Variants in NCK2 observed in about 807,000 individuals in gnomAD.
NCK2 encodes the protein NCK adaptor protein 2.
Under a neutral mutation model 33.9 loss-of-function variants are expected in NCK2, and 16 were observed. The observed-to-expected ratio is 0.47, with a 90% CI of 0.32 to 0.72. The LOEUF (loss-of-function observed/expected upper bound fraction) is 0.72, where lower values mean the gene tolerates loss of function less well. Ranked by LOEUF, NCK2 falls within the 30% of genes least tolerant of loss-of-function variation. The pLI is 0.03. For synonymous variants in NCK2, 273 were observed against 239.9 expected, an observed-to-expected ratio of 1.14 and a Z score of -1.27; for missense variants, 418 against 537.3, an observed-to-expected ratio of 0.78 and a Z score of 2.19.
At chr2:105,879,012 GA>G (rs1678351151) in intron 3 of NCK2, among the ~76,000 whole-genome samples, 1 of 152,176 alleles carries the variant, frequency 6.6e-6, no homozygotes, top group Non-Finnish European at 1.5e-5. Context: ...CACTAAAGTA[GA>G]ATATTCGTCT....
chr2:105,821,595 A>G (rs1573632629), intron 2 of NCK2, among the ~76,000 whole-genome samples: 1 of 152,130 alleles, frequency 6.6e-6, no homozygotes, highest in Non-Finnish European at 1.5e-5. Context: ...CTGGGAAAAC[A>G]TTGCCACATT....
rs138786837 is a variant in NCK2, at chr2:105,752,911, G to GACAC, written c.-201+7785_-201+7788dup. 3.4e-3 allele frequency among the ~76,000 whole-genome samples: 523 copies of GACAC among 151,864 alleles called. 5 individuals are homozygous for GACAC. The highest frequency in any genetic ancestry group is 0.012 in the African/African-American group (486 of 41,430). ...TTAGCTTCTCTCCCACACGGACACAGACACACACACACACATTGTAATCAC... is the reference window on the plus strand; with the variant it reads ...TTAGCTTCTCTCCCACACGGACACAGACACACACACACACACACATTGTAATCAC... On this transcript the variant is annotated intron_variant, in intron 1 of 4. Coordinates refer to ENST00000233154, the MANE Select transcript of NCK2 (RefSeq NM_003581.5).
At chr2:105,889,332 G>A (rs1322005007) in intron 4 of NCK2, among the ~76,000 whole-genome samples, 1 of 152,212 alleles carries the variant, frequency 6.6e-6, no homozygotes, top group East Asian at 1.9e-4. Flanking sequence ...CTCCATCATG[G>A]GCTGCTTTGC....
At chr2:105,850,224 C>T (rs1447169479) in intron 2 of NCK2, among the ~76,000 whole-genome samples, 1 of 152,162 alleles carries the variant, frequency 6.6e-6, no homozygotes. Context: ...CTTTGGAAAT[C>T]TCTATGACCA....
chr2:105,772,110 AG>A (rs1055460569), intron 1 of NCK2, among the ~76,000 whole-genome samples: 1 of 150,390 alleles, frequency 6.6e-6, no homozygotes, highest in African/African-American at 2.4e-5. Context: ...AGGATGGCGG[AG>A]GGGGTAGCGT....
chr2:105,804,648 A>T (rs146022121), intron 1 of NCK2, among the ~76,000 whole-genome samples: 3 of 152,214 alleles, frequency 2.0e-5, no homozygotes, highest in African/African-American at 7.2e-5. Flanking sequence ...ATTTAGAATT[A>T]CTCTTTGATT....
intron 1 of NCK2, among the ~76,000 whole-genome samples, chr2:105,802,880 G>C (rs58568265): frequency 0.034 from 5,203 of 152,042 alleles, 299 homozygotes; most frequent in African/African-American, 0.12. Flanking sequence ...CCAGTTGTCT[G>C]TTTCATCTGC....
chr2:105,826,923 G>A (rs1675976241), intron 2 of NCK2, among the ~76,000 whole-genome samples: 1 of 152,136 alleles, frequency 6.6e-6, no homozygotes. Context: ...ATCAGATAAA[G>A]AACTTTTAAA....
At chr2:105,746,384 G>A (rs2104316254) in intron 1 of NCK2, among the ~76,000 whole-genome samples, 1 of 152,324 alleles carries the variant, frequency 6.6e-6, no homozygotes, top group South Asian at 2.1e-4. Context: ...CCGCTTCTCG[G>A]AAGGGATTTT....
intron 2 of NCK2, among the ~76,000 whole-genome samples, chr2:105,821,445 G>A (rs1056728113): frequency 6.6e-6 from 1 of 152,170 alleles, no homozygotes; most frequent in African/African-American, 2.4e-5. Flanking sequence ...TGGGTGATCT[G>A]GGGGAACAGT....
At chr2:105,765,535 C>T (rs1689908230) in intron 1 of NCK2, among the ~76,000 whole-genome samples, 1 of 152,104 alleles carries the variant, frequency 6.6e-6, no homozygotes, top group Non-Finnish European at 1.5e-5. Context: ...TGACTTTTCC[C>T]TTTAAGGGTG....
intron 2 of NCK2, among the ~76,000 whole-genome samples, chr2:105,819,679 T>C (rs966897682): frequency 6.6e-6 from 1 of 152,218 alleles, no homozygotes; most frequent in African/African-American, 2.4e-5. Context: ...ATGGAGACCA[T>C]GAGAGCTGGC....
At chr2:105,758,345 A>G (rs992088759) in intron 1 of NCK2, among the ~76,000 whole-genome samples, 1 of 150,400 alleles carries the variant, frequency 6.6e-6, no homozygotes, top group African/African-American at 2.4e-5. Context: ...TGATGGTTTC[A>G]TTTGAACTGT....
chr2:105,865,937 A>G (rs1458816416), intron 3 of NCK2, among the ~76,000 whole-genome samples: 5 of 151,256 alleles, frequency 3.3e-5, no homozygotes. Context: ...TATTTGAGAC[A>G]GAGTTTCATT....
chr2:105,776,868 C>T (rs1047693010), intron 1 of NCK2, among the ~76,000 whole-genome samples: 3 of 151,850 alleles, frequency 2.0e-5, no homozygotes, highest in African/African-American at 7.3e-5. Context: ...CTGCTCTCCT[C>T]TGGCCTTGGG....
chr2:105,762,091 G>C lies in NCK2; in HGVS notation c.-201+16953G>C, dbSNP rs536381482. On this transcript the variant is annotated intron_variant, in intron 1 of 4. Transcript: ENST00000233154. ...ATGAATCACTTGACCTGAAAACAAG[G>C]ACTTTCGCTTTGCTAGAAAATTAAG... Among the ~76,000 whole-genome samples, 235 of 152,322 alleles carry C rather than the reference G, an allele frequency of 1.5e-3. 2 individuals carry two copies. The highest frequency in any genetic ancestry group is 6.8e-3 in the Middle Eastern group (2 of 294).
chr2:105,832,440 G>A (rs985150394), intron 2 of NCK2, among the ~76,000 whole-genome samples: 1 of 152,162 alleles, frequency 6.6e-6, no homozygotes, highest in East Asian at 1.9e-4. Flanking sequence ...TGCCTATTCA[G>A]TATGATGTTA....
chr2:105,771,569 A>G (rs539397386), intron 1 of NCK2, among the ~76,000 whole-genome samples: 3 of 152,248 alleles, frequency 2.0e-5, no homozygotes, highest in Admixed American at 1.3e-4. Context: ...CCCTCTCAAA[A>G]ACAGAAAGAC....
intron 4 of NCK2, 103 bp from the exon 5 acceptor site, chr2:105,892,879 G>T: frequency 4.4e-5 from 36 of 811,778 alleles, no homozygotes; most frequent in Non-Finnish European, 5.7e-5. Context: ...CCCAGTGTTT[G>T]AGCAATGGGT....
Sources: allele counts gnomAD v4.1 joint callset (sites outside exome capture counted in the v4.1 genomes callset), GRCh38; gene constraint gnomAD v4.1.1; transcripts MANE v1.5; gene names NCBI Gene and HGNC (gene_info 2026-07-23, HGNC 2026-07-21).